The following DNAH3 variants were observed in gnomAD, a reference collection of about 807,000 sequenced individuals.
DNAH3 encodes the protein dynein axonemal heavy chain 3.
In DNAH3, 332 loss-of-function variants were observed where a neutral mutation model predicts 432.5. The observed-to-expected ratio is 0.77, with a 90% CI of 0.70 to 0.84. The LOEUF is 0.84. DNAH3 is among the 40% of genes least tolerant of loss of function. DNAH3 has a pLI of 0.00. For missense variants in DNAH3, 4,861 were observed against 5,114.0 expected (o/e 0.95, Z 1.51); for synonymous variants, 1,956 against 1,900.2 (o/e 1.03, Z -0.76).
At chr16:21,054,652 C>T in intron 27 of DNAH3, 118 bp from the exon 28 acceptor site, 2 of 686,002 alleles carry the variant, frequency 2.9e-6, no homozygotes, top group Non-Finnish European at 5.0e-6. Flanking sequence ...TGGGTGTCAT[C>T]CCTCAAGTCC....
intron 44 of DNAH3, chr16:20,997,054 C>A: frequency 2.1e-6 from 1 of 478,734 alleles, no homozygotes. Context: ...ATGAGACTCT[C>A]TGTTTCTCTA....
At chr16:21,065,158 CTAT>C (rs2090501438) in intron 24 of DNAH3, among the ~76,000 whole-genome samples, 1 of 152,020 alleles carries the variant, frequency 6.6e-6, no homozygotes, top group African/African-American at 2.4e-5. Flanking sequence ...TATATTAGTG[CTAT>C]TATTCATATT....
At chr16:21,011,797 CAAGAT>C (rs1567634109) in intron 41 of DNAH3, among the ~76,000 whole-genome samples, 2 of 152,022 alleles carry the variant, frequency 1.3e-5, no homozygotes, top group East Asian at 3.9e-4. Flanking sequence ...GATGAAAAGA[CAAGAT>C]GAGATAAAAA....
chr16:21,141,837 G>A (rs939768890), intron 3 of DNAH3, among the ~76,000 whole-genome samples: 76 of 152,086 alleles, frequency 5.0e-4, no homozygotes, highest in African/African-American at 1.8e-3. Context: ...GATCACCTGA[G>A]GTCAGGAGTT....
At chr16:21,039,999 C>T (rs910105590) in intron 32 of DNAH3, 56 bp from the exon 33 acceptor site, 66 of 1,383,900 alleles carry the variant, frequency 4.8e-5, no homozygotes, top group Admixed American at 3.4e-4. Context: ...ACTGAGGGAA[C>T]GCACATTCAC....
intron 1 of DNAH3, among the ~76,000 whole-genome samples, chr16:21,153,332 G>C (rs894224954): frequency 6.6e-6 from 1 of 152,108 alleles, no homozygotes; most frequent in Non-Finnish European, 1.5e-5. Context: ...TCCACACTCT[G>C]TATCTAGCTA....
Position 21,084,964 on chromosome 16 carries a change from C to A in DNAH3, c.2877+1885G>T, listed in dbSNP as rs554517710. 2.3e-3 allele frequency among the ~76,000 whole-genome samples: 348 copies of A among 151,974 alleles called. 2 individuals carry two copies. The highest frequency in any genetic ancestry group is 8.2e-3 in the African/African-American group (340 of 41,464). Reference sequence around the variant, plus strand: ...CTGTCCCACCTAAGCTCCCTAACCCCCCCATCCCCCCGATGCAGGTCAAAG... The same window carrying A: ...CTGTCCCACCTAAGCTCCCTAACCCACCCATCCCCCCGATGCAGGTCAAAG... On this transcript the variant is annotated intron_variant, in intron 19 of 61. Transcript: ENST00000261383.
At chr16:21,039,111 A>G (rs978316838) in intron 33 of DNAH3, among the ~76,000 whole-genome samples, 1 of 152,186 alleles carries the variant, frequency 6.6e-6, no homozygotes, top group East Asian at 1.9e-4. Context: ...AAACTGGACA[A>G]TACTTGAATG....
At chr16:21,140,048 G>A (rs951366147) in intron 5 of DNAH3, among the ~76,000 whole-genome samples, 10 of 151,514 alleles carry the variant, frequency 6.6e-5, no homozygotes, top group African/African-American at 1.2e-4. Context: ...GCCTCCCAAA[G>A]TGCTGGGATT....
chr16:21,152,054 G>C (rs1038961712), intron 1 of DNAH3, among the ~76,000 whole-genome samples: 7 of 152,028 alleles, frequency 4.6e-5, no homozygotes, highest in African/African-American at 1.7e-4. Flanking sequence ...GGCCAACATA[G>C]TGAAACCCCA....
intron 41 of DNAH3, among the ~76,000 whole-genome samples, chr16:21,004,377 CTTTTTTT>C (rs956531520): frequency 6.6e-6 from 1 of 150,992 alleles, no homozygotes; most frequent in East Asian, 1.9e-4. Context: ...TTTCTTTTTT[CTTTTTTT>C]TAGAGATGGA....
chr16:20,964,511 CAG>C lies in DNAH3; in HGVS notation c.9371_9372del (p.Pro3124ArgfsTer4), dbSNP rs1427683213. 1.9e-6 allele frequency: 3 copies of C among 1,614,164 alleles called. No homozygotes were observed. The highest frequency in any genetic ancestry group is 2.5e-6 in the Non-Finnish European group (3 of 1,180,032). The stretch of plus-strand genomic sequence containing the variant: ...TCTTCTCCAATGTTTTCAATCAAGA[CAG>C]GGGTGCCTAACTGCAGCGCGTTTTC... On this transcript the variant is annotated frameshift_variant, in exon 53 of 62. Coordinates refer to ENST00000261383, the Ensembl canonical transcript of DNAH3. LOFTEE classifies it high-confidence loss of function.
chr16:21,075,797 C>T (rs952510285), intron 20 of DNAH3, among the ~76,000 whole-genome samples: 2 of 151,064 alleles, frequency 1.3e-5, no homozygotes, highest in African/African-American at 4.9e-5. Context: ...GTAGTTCTAG[C>T]TACTCAGGAG....
exon 1 of DNAH3, chr16:21,159,345 C>G: frequency 6.2e-7 from 1 of 1,614,194 alleles, no homozygotes; most frequent in African/African-American, 1.3e-5. Context: ...CTCCCTTCCT[C>G]CTCTCCTTGG....
At position 20,945,496 on chromosome 16, in the gene DNAH3, C is replaced by CTT. The variant is rs71377698; in HGVS notation, c.11344-835_11344-834dup. Among the ~76,000 whole-genome samples the CTT allele has an allele frequency of 3.3e-3, 476 of 144,694 alleles. 3 individuals carry two copies. Among genetic ancestry groups the CTT allele is most frequent in the South Asian group, 7.0e-3 (32 of 4,556 alleles). 94.9% of individuals were successfully genotyped at this position (144,694 alleles called of 152,430 possible). ...GAAGTAGCCATTCTTTATTCCTTTA[C>CTT]TTTTTTTTTTTTTTGAGACAGATTC... On this transcript the variant is annotated intron_variant, in intron 57 of 61. Coordinates refer to ENST00000261383, the Ensembl canonical transcript of DNAH3.
At chr16:21,008,464 T>G (rs138511873) in intron 41 of DNAH3, among the ~76,000 whole-genome samples, 2,474 of 152,298 alleles carry the variant, frequency 0.016, 44 homozygotes, top group Non-Finnish European at 0.025. Flanking sequence ...CTACATTTCC[T>G]GAACCATGGG....
At chr16:20,954,110 C>A (rs1230356990) in intron 55 of DNAH3, among the ~76,000 whole-genome samples, 1 of 150,962 alleles carries the variant, frequency 6.6e-6, no homozygotes, top group African/African-American at 2.4e-5. Context: ...GTAGTTCCAG[C>A]TACTGGGGAG....
intron 1 of DNAH3, among the ~76,000 whole-genome samples, chr16:21,146,494 T>C (rs1382937472): frequency 6.6e-6 from 1 of 152,184 alleles, no homozygotes; most frequent in Non-Finnish European, 1.5e-5. Flanking sequence ...ACGCGGAGGT[T>C]GCGGTGAGCT....
intron 39 of DNAH3, among the ~76,000 whole-genome samples, chr16:21,022,510 T>G (rs1303361955): frequency 6.6e-6 from 1 of 152,210 alleles, no homozygotes; most frequent in African/African-American, 2.4e-5. Context: ...GTGGGACTCC[T>G]GTATAAATTA....
Sources: allele counts gnomAD v4.1 joint callset (sites outside exome capture counted in the v4.1 genomes callset), GRCh38; gene constraint gnomAD v4.1.1; transcripts MANE v1.5; gene names NCBI Gene and HGNC (gene_info 2026-07-23, HGNC 2026-07-21).